The following KPNA4 variants were observed in gnomAD, a reference collection of about 807,000 sequenced individuals.
KPNA4 encodes the protein karyopherin subunit alpha 4.
KPNA4 carries 13 observed loss-of-function variants against 71.3 expected under a neutral mutation model. The ratio of observed to expected loss-of-function variants is 0.18; its 90% CI spans 0.12 to 0.29. The LOEUF (loss-of-function observed/expected upper bound fraction) is 0.29, where lower values mean the gene tolerates loss of function less well. Ranked by LOEUF, KPNA4 falls within the 10% of genes least tolerant of loss-of-function variation. The pLI, the probability that KPNA4 is intolerant of heterozygous loss-of-function variation, is 1.00. For synonymous variants in KPNA4, 189 were observed against 195.2 expected, an observed-to-expected ratio of 0.97 and a Z score of 0.26; for missense variants, 334 against 603.2, an observed-to-expected ratio of 0.55 and a Z score of 4.67.
In KPNA4 at chr3:160,530,226, T is replaced by C. The variant is rs553824313; in HGVS notation, c.469+629A>G. On this transcript the variant is annotated intron_variant, in intron 7 of 16. Coordinates refer to ENST00000334256, the MANE Select transcript of KPNA4 (RefSeq NM_002268.5). ...GCTCATGCCTATAATCCCAGCACACTGGGAGGCCAAAGCAGGTTGATCACT... is the reference window on the plus strand; with the variant it reads ...GCTCATGCCTATAATCCCAGCACACCGGGAGGCCAAAGCAGGTTGATCACT... Among the ~76,000 whole-genome samples, 18 of 150,814 alleles carry C rather than the reference T, an allele frequency of 1.2e-4. No individual in the cohort carries two copies. The South Asian group carries it at 3.6e-3, about 30-fold the overall frequency.
chr3:160,541,655 A>ACACG (rs1172229121), intron 1 of KPNA4, among the ~76,000 whole-genome samples: 45 of 150,580 alleles, frequency 3.0e-4, no homozygotes, highest in African/African-American at 9.8e-4. Flanking sequence ...ACGCGCACAC[A>ACACG]CACACACACA....
Position 160,528,008 on chromosome 3 carries a change from A to G in KPNA4, c.501T>C (p.His167=), listed in dbSNP as rs1308150671. The change falls in exon 8 of 17, where the codon CAT becomes CAC. Residue 167 remains histidine, a synonymous_variant. Transcript: ENST00000334256. ...GCTCACAGACATTCTGATGGGGTGA[A>G]TGGAGAAGCCTCAGGAAAAGTGGCA... The part of the protein sequence containing the change: ...NAVPLFLRLL[H]SPHQNVCEQA... 2 of 1,612,710 alleles carry G rather than the reference A, an allele frequency of 1.2e-6. No homozygotes were observed. The highest frequency in any genetic ancestry group is 4.5e-5 in the East Asian group (2 of 44,752).
chr3:160,508,322 C>CATCTCACTGG lies in KPNA4; in HGVS notation c.1210-54_1210-53insCCAGTGAGAT. 2.4e-6 allele frequency: 3 copies of CATCTCACTGG among 1,273,268 alleles called. No homozygotes were observed. In the Admixed American group the frequency reaches 8.0e-5, roughly 34 times the overall value. The allele number at this position is 1,273,268 out of a possible 1,614,324, so 78.9% of individuals were successfully genotyped here. On this transcript the variant is annotated intron_variant, in intron 14 of 16. Coordinates refer to ENST00000334256, the MANE Select transcript of KPNA4 (RefSeq NM_002268.5). The stretch of plus-strand genomic sequence containing the variant: ...TGCAATATAGGTAAACTTTGTGTGC[C>CATCTCACTGG]ATGTTATCTCACTGGAATAATTCTG...
chr3:160,513,034 C>T (rs969821433), intron 13 of KPNA4, among the ~76,000 whole-genome samples: 4 of 152,126 alleles, frequency 2.6e-5, no homozygotes, highest in Non-Finnish European at 5.9e-5. Context: ...TAGGCTGTAA[C>T]ACCTCAGATC....
intron 1 of KPNA4, among the ~76,000 whole-genome samples, chr3:160,553,043 A>G (rs919374653): frequency 2.6e-5 from 4 of 152,198 alleles, no homozygotes; most frequent in African/African-American, 9.7e-5. Flanking sequence ...GGAGAAAGGC[A>G]ATAGCAGAAA....
At chr3:160,564,887 C>A (rs1258874494) in intron 1 of KPNA4, among the ~76,000 whole-genome samples, 2 of 148,576 alleles carry the variant, frequency 1.3e-5, no homozygotes, top group Non-Finnish European at 3.0e-5. Flanking sequence ...GCAGCACCGG[C>A]CGCACACGCA....
At chr3:160,513,118 G>A (rs1468171800) in intron 13 of KPNA4, among the ~76,000 whole-genome samples, 1 of 152,084 alleles carries the variant, frequency 6.6e-6, no homozygotes, top group East Asian at 1.9e-4. Flanking sequence ...AAATAGAGTT[G>A]TGCATGACAT....
At position 160,499,284 on chromosome 3, in the gene KPNA4, G is replaced by A. The variant is rs1018628217; in HGVS notation, c.*2820C>T. Reference sequence around the variant, plus strand: ...GAAATATATTTAAAGATAGATTTTAGACTAGGGCGTCTCACACACCCCTAA... The same window carrying A: ...GAAATATATTTAAAGATAGATTTTAAACTAGGGCGTCTCACACACCCCTAA... On this transcript the variant is annotated 3_prime_UTR_variant, in exon 17 of 17. Coordinates refer to ENST00000334256, the MANE Select transcript of KPNA4 (RefSeq NM_002268.5). 13 of 152,092 alleles carry A rather than the reference G, an allele frequency of 8.5e-5. No individual in the cohort carries two copies. The highest frequency in any genetic ancestry group is 1.6e-4 in the Non-Finnish European group (11 of 68,008). The allele number at this position is 152,092 out of a possible 1,614,324, so 9.4% of individuals were successfully genotyped here. A position where few individuals can be genotyped will look rare whatever the true frequency, so the allele number is the denominator to read the frequency against.
In KPNA4 at chr3:160,504,995, G is replaced by T; in HGVS notation, c.1430C>A (p.Ala477Asp). 1 of 1,567,514 alleles carries T rather than the reference G, an allele frequency of 6.4e-7. No individual in the cohort carries two copies. Among genetic ancestry groups the T allele is most frequent in the Non-Finnish European group, 8.6e-7 (1 of 1,157,304 alleles). ...NHENEDIYKLAYEIIDQFFSS... is the reference protein window; with the variant it reads ...NHENEDIYKLDYEIIDQFFSS... ...GAAGAACTGATCAATGATCTCATAG[G>T]CCAATTTGTAGATGTCTTCATTTTC... The change falls in exon 16 of 17, where the codon GCC (alanine) becomes GAC (aspartate). Residue 477 changes from alanine (A) to aspartate (D), a missense_variant. Coordinates refer to ENST00000334256, the MANE Select transcript of KPNA4 (RefSeq NM_002268.5).
intron 11 of KPNA4, among the ~76,000 whole-genome samples, chr3:160,516,456 A>G (rs1342940298): frequency 6.6e-6 from 1 of 150,822 alleles, no homozygotes; most frequent in African/African-American, 2.4e-5. Flanking sequence ...AAAAAAAAAG[A>G]CAGAACTTTA....
chr3:160,557,305 A>G (rs950505073), intron 1 of KPNA4, among the ~76,000 whole-genome samples: 1 of 152,196 alleles, frequency 6.6e-6, no homozygotes, highest in Admixed American at 6.5e-5. Flanking sequence ...GGATAAAACT[A>G]CTCAACTAAA....
At chr3:160,534,363 T>A (rs991524437) in intron 5 of KPNA4, among the ~76,000 whole-genome samples, 20 of 152,030 alleles carry the variant, frequency 1.3e-4, no homozygotes, top group African/African-American at 4.8e-4. Context: ...AATACAAAGG[T>A]CTCAGTAATA....
At chr3:160,553,950 T>G (rs1378381199) in intron 1 of KPNA4, among the ~76,000 whole-genome samples, 1 of 152,216 alleles carries the variant, frequency 6.6e-6, no homozygotes, top group Non-Finnish European at 1.5e-5. Context: ...GACTGAGAGA[T>G]CTTACAGATC....
intron 1 of KPNA4, among the ~76,000 whole-genome samples, chr3:160,552,649 G>A (rs1046374142): frequency 6.6e-6 from 1 of 152,118 alleles, no homozygotes; most frequent in Non-Finnish European, 1.5e-5. Context: ...TTCAGGAATG[G>A]CCTCTGTGAG....
intron 13 of KPNA4, among the ~76,000 whole-genome samples, chr3:160,511,400 C>T (rs1296841850): frequency 1.3e-5 from 2 of 152,170 alleles, no homozygotes; most frequent in Non-Finnish European, 2.9e-5. Flanking sequence ...CCACTGCACC[C>T]GGCCACTATT....
At chr3:160,540,322 T>C (rs1196786091) in intron 1 of KPNA4, among the ~76,000 whole-genome samples, 1 of 152,172 alleles carries the variant, frequency 6.6e-6, no homozygotes, top group Non-Finnish European at 1.5e-5. Context: ...TTTTACTTGA[T>C]ACTCATTTGT....
intron 14 of KPNA4, 106 bp from the exon 15 acceptor site, chr3:160,508,375 G>T: frequency 1.4e-6 from 1 of 722,592 alleles, no homozygotes; most frequent in South Asian, 2.3e-5. Context: ...ATAGAAATAT[G>T]ACCTCATCTC....
rs1052898542 is a variant in KPNA4 at position 160,565,336 on chromosome 3, C to T, written c.-54G>A. The T allele has an allele frequency of 7.0e-7, 1 of 1,437,234 alleles. No individual in the cohort carries two copies. The highest frequency in any genetic ancestry group is 1.2e-5 in the South Asian group (1 of 81,536). 89.0% of individuals were successfully genotyped at this position (1,437,234 alleles called of 1,614,324 possible). A position where few individuals can be genotyped will look rare whatever the true frequency, so the allele number is the denominator to read the frequency against. ...CGGGCCCCGCGGGATCCGCCCCAAC[C>T]AACGCGCCGCACCGACACTCCCAGG... On this transcript the variant is annotated 5_prime_UTR_variant, in exon 1 of 17. Coordinates refer to ENST00000334256, the MANE Select transcript of KPNA4 (RefSeq NM_002268.5).
chr3:160,564,234 C>A (rs1722296062), intron 1 of KPNA4: 1 of 151,974 alleles, frequency 6.6e-6, no homozygotes, highest in Admixed American at 6.6e-5. Flanking sequence ...AACCCATACA[C>A]CTTATGTAGA....
Sources: gnomAD v4.1 joint callset for allele counts (sites outside exome capture counted in the v4.1 genomes callset) on GRCh38, gnomAD v4.1.1 for gene constraint, MANE v1.5 for transcripts, NCBI Gene and HGNC (gene_info 2026-07-23, HGNC 2026-07-21) for gene names.